SEMA4F: variants seen among roughly 807,000 people sequenced by gnomAD.
SEMA4F encodes the protein semaphorin-4F.
In SEMA4F, 51 loss-of-function variants were observed where a neutral mutation model predicts 78.4. That is an observed-to-expected ratio of 0.65 (90% confidence interval 0.52 to 0.82). SEMA4F has a LOEUF of 0.82. Ranked by LOEUF, SEMA4F falls within the 40% of genes least tolerant of loss-of-function variation. The pLI is 0.00. For missense variants in SEMA4F, 938 were observed against 1,014.4 expected (o/e 0.92, Z 1.02); for synonymous variants, 418 against 408.7 (o/e 1.02, Z -0.27).
chr2:74,668,393 C>T (rs988891468), intron 5 of SEMA4F, among the ~76,000 whole-genome samples: 4 of 152,150 alleles, frequency 2.6e-5, no homozygotes, highest in African/African-American at 9.7e-5. Context: ...CCTACATGGC[C>T]AACAGAGGGA....
chr2:74,700,199 T>C, the SEMA4F span, among the ~76,000 whole-genome samples: 1 of 151,918 alleles, frequency 6.6e-6, no homozygotes, highest in African/African-American at 2.4e-5. Context: ...GGAAAGGCAA[T>C]GTGGATGGGC....
the SEMA4F span, among the ~76,000 whole-genome samples, chr2:74,704,815 G>A: frequency 6.6e-6 from 1 of 151,974 alleles, no homozygotes; most frequent in African/African-American, 2.4e-5. Context: ...TCCAAACCCG[G>A]CCCCATAATC....
In SEMA4F at chr2:74,683,435, T is replaced by G. The variant is rs1433468874; in HGVS notation, c.*3226T>G. The G allele has an allele frequency of 6.6e-6, 1 of 152,268 alleles. No homozygotes were observed. The highest frequency in any genetic ancestry group is 6.5e-5 in the Admixed American group (1 of 15,282). 9.4% of individuals were successfully genotyped at this position (152,268 alleles called of 1,614,324 possible). ...AAGAAGAGAGAAGGCAGAAGTGGCT[T>G]TCCCCGAGGTGAGGACGGGGATGGG... On this transcript the variant is annotated 3_prime_UTR_variant, in exon 14 of 14. Transcript: ENST00000357877.
chr2:74,678,494 CA>C (rs1239556586), intron 12 of SEMA4F, among the ~76,000 whole-genome samples: 1 of 152,182 alleles, frequency 6.6e-6, no homozygotes, highest in African/African-American at 2.4e-5. Context: ...TCAGGGACCT[CA>C]ATTCATATTG....
At chr2:74,690,142 A>G in the SEMA4F span, among the ~76,000 whole-genome samples, 1 of 152,206 alleles carries the variant, frequency 6.6e-6, no homozygotes, top group Non-Finnish European at 1.5e-5. Context: ...TCCCCATGCC[A>G]TGCATTCTCC....
chr2:74,700,503 C>A, the SEMA4F span, among the ~76,000 whole-genome samples: 1 of 152,162 alleles, frequency 6.6e-6, no homozygotes, highest in African/African-American at 2.4e-5. Flanking sequence ...TTCAGCCTCG[C>A]AGGCTAGATT....
chr2:74,655,909 G>A (rs1389665041), intron 1 of SEMA4F, among the ~76,000 whole-genome samples: 1 of 152,144 alleles, frequency 6.6e-6, no homozygotes, highest in Non-Finnish European at 1.5e-5. Flanking sequence ...TGGTGCAAGG[G>A]TAGGGTCCCC....
chr2:74,708,009 AG>A, the SEMA4F span, among the ~76,000 whole-genome samples: 2 of 152,160 alleles, frequency 1.3e-5, no homozygotes, highest in Admixed American at 6.5e-5. Context: ...GAACAGTGCC[AG>A]TTCCCACCTG....
chr2:74,696,710 T>G, the SEMA4F span, among the ~76,000 whole-genome samples: 1 of 151,880 alleles, frequency 6.6e-6, no homozygotes, highest in Non-Finnish European at 1.5e-5. Flanking sequence ...CAAAAACCTA[T>G]GGAAATAAAA....
At chr2:74,670,251 A>C (rs363635) in intron 5 of SEMA4F, among the ~76,000 whole-genome samples, 7,572 of 152,252 alleles carry the variant, frequency 0.05, 653 homozygotes, top group African/African-American at 0.17. Context: ...TCCTATGCTC[A>C]ATATTGTAAT....
At chr2:74,655,927 G>A (rs1457190416) in intron 1 of SEMA4F, among the ~76,000 whole-genome samples, 2 of 152,162 alleles carry the variant, frequency 1.3e-5, no homozygotes, top group Non-Finnish European at 2.9e-5. Flanking sequence ...CCCAGAACCA[G>A]AGGTTGAGCT....
At chr2:74,691,128 T>G in the SEMA4F span, among the ~76,000 whole-genome samples, 1 of 152,152 alleles carries the variant, frequency 6.6e-6, no homozygotes, top group African/African-American at 2.4e-5. Flanking sequence ...TTCTTTCCCC[T>G]CCATTAGCTA....
At chr2:74,662,708 C>T (rs1684488526) in intron 4 of SEMA4F, 24 bp from the exon 5 acceptor site, 1 of 1,599,722 alleles carries the variant, frequency 6.3e-7, no homozygotes, top group Non-Finnish European at 8.6e-7. Flanking sequence ...ACCCCTAAAC[C>T]AATTGCCCCC....
At chr2:74,684,088 CTTTT>C (rs34924559), downstream of SEMA4F, among the ~76,000 whole-genome samples, 1 of 142,384 alleles carries the variant, frequency 7.0e-6, no homozygotes, top group Non-Finnish European at 1.6e-5. Context: ...ACCAAATTAA[CTTTT>C]TTTTTTTTTT....
At chr2:74,678,266 T>C (rs1480765136) in intron 12 of SEMA4F, among the ~76,000 whole-genome samples, 1 of 151,526 alleles carries the variant, frequency 6.6e-6, no homozygotes. Flanking sequence ...TGGTGGGGAG[T>C]GTGGGCTGTG....
At position 74,680,194 on chromosome 2, in the gene SEMA4F, T is replaced by C. The variant is rs985728493; in HGVS notation, c.2298T>C (p.Asp766=). 6.3e-7 allele frequency: 1 copy of C among 1,577,744 alleles called. No homozygotes were observed. The highest frequency in any genetic ancestry group is 8.6e-7 in the Non-Finnish European group (1 of 1,157,116). Residue 766 remains aspartate, a synonymous_variant, in exon 14 of 14, where the codon GAT becomes GAC. Coordinates refer to ENST00000357877, the MANE Select transcript of SEMA4F (RefSeq NM_004263.5). ...CTGGGGCTCCTCTAGCCACATGTGA[T>C]GAAACATCCATCTAGAGCTGGGCAA... ...RLTGAPLATC[D]ETSI
chr2:74,697,641 T>C, the SEMA4F span, among the ~76,000 whole-genome samples: 2 of 152,034 alleles, frequency 1.3e-5, no homozygotes, highest in African/African-American at 4.8e-5. Flanking sequence ...GCTGGGGAGG[T>C]GCAGATCATT....
intron 5 of SEMA4F, 135 bp downstream of exon 5, chr2:74,662,960 C>G (rs1468231251): frequency 1.3e-5 from 10 of 788,264 alleles, no homozygotes; most frequent in African/African-American, 1.7e-5. Flanking sequence ...CTTTCCTGTT[C>G]TTCCCTGAGT....
chr2:74,689,288 T>C, the SEMA4F span, among the ~76,000 whole-genome samples: 1 of 152,096 alleles, frequency 6.6e-6, no homozygotes, highest in African/African-American at 2.4e-5. Context: ...ATAAAACACT[T>C]TAAAATAAGA....
Sources: gnomAD v4.1 joint callset for allele counts (sites outside exome capture counted in the v4.1 genomes callset) on GRCh38, gnomAD v4.1.1 for gene constraint, MANE v1.5 for transcripts, NCBI Gene and HGNC (gene_info 2026-07-23, HGNC 2026-07-21) for gene names.